The following MALAT1 variants were observed in gnomAD, a reference collection of about 807,000 sequenced individuals.
MALAT1 encodes metastasis associated lung adenocarcinoma transcript 1, also known as hepcarcin.
At chr11:65,504,636 T>TTCA (rs1211929334) in intron 3 of MALAT1, 1 of 519,002 alleles carries the variant, frequency 1.9e-6, no homozygotes, top group South Asian at 1.4e-5. Flanking sequence ...GGGAGGGGAC[T>TTCA]GAAGCCTTTA....
intron 1 of MALAT1, chr11:65,498,567 T>C (rs751544537): frequency 3.9e-6 from 2 of 518,760 alleles, no homozygotes; most frequent in Non-Finnish European, 7.7e-6. Flanking sequence ...TGCAAGCAGT[T>C]GGGGGAGAAA....
intron 1 of MALAT1, chr11:65,498,487 G>A (rs1285267420): frequency 3.9e-6 from 2 of 518,376 alleles, no homozygotes; most frequent in Non-Finnish European, 7.7e-6. Context: ...CAAGCAGACA[G>A]CCCGTGCTGC....
chr11:65,505,901 G>A (rs1218106431), intron 3 of MALAT1: 2 of 435,434 alleles, frequency 4.6e-6, no homozygotes, highest in East Asian at 5.7e-5. Context: ...TTGAGTGGCT[G>A]AGAGGGCTTT....
exon 3 of MALAT1, chr11:65,499,398 G>A (rs772591615): frequency 4.1e-6 from 2 of 486,968 alleles, no homozygotes; most frequent in Non-Finnish European, 8.2e-6. Context: ...CCAATAGAAG[G>A]GCAATGCTTT....
chr11:65,499,701 A>G (rs1213266717), exon 3 of MALAT1: 1 of 434,450 alleles, frequency 2.3e-6, no homozygotes, highest in Non-Finnish European at 4.5e-6. Context: ...GAAGAAAAGA[A>G]TAGAGAAGAT....
At chr11:65,500,707 A>G (rs1474981533) in exon 3 of MALAT1, 1 of 519,018 alleles carries the variant, frequency 1.9e-6, no homozygotes, top group Admixed American at 1.9e-5. Context: ...CGTTGTGCGT[A>G]GAGGATCCTA....
exon 3 of MALAT1, chr11:65,502,250 G>A (rs1379195958): frequency 7.7e-6 from 4 of 518,848 alleles, no homozygotes; most frequent in Non-Finnish European, 1.5e-5. Flanking sequence ...AAGTTGTTTG[G>A]ATATGGTAGT....
chr11:65,505,964 G>C (rs1284458281), intron 3 of MALAT1: 1 of 447,044 alleles, frequency 2.2e-6, no homozygotes, highest in Admixed American at 2.8e-5. Context: ...GAACATAACA[G>C]ACTTGGCCAA....
At chr11:65,502,321 A>G (rs1590703775) in exon 3 of MALAT1, 1 of 516,596 alleles carries the variant, frequency 1.9e-6, no homozygotes, top group Non-Finnish European at 3.9e-6. Flanking sequence ...ACTACTATAG[A>G]AACTGCAGAG....
At chr11:65,505,337 C>T (rs909842177) in intron 3 of MALAT1, 2 of 518,744 alleles carry the variant, frequency 3.9e-6, no homozygotes, top group Non-Finnish European at 7.7e-6. Flanking sequence ...TGCCTCAACT[C>T]CCTCTTTCTG....
exon 3 of MALAT1, chr11:65,503,643 G>C (rs758839316): frequency 3.9e-6 from 2 of 511,818 alleles, no homozygotes; most frequent in Non-Finnish European, 7.8e-6. Flanking sequence ...CTTTTAGAAA[G>C]CTGTCTCCTT....
chr11:65,502,990 C>T (rs1037189652), exon 3 of MALAT1: 11 of 497,132 alleles, frequency 2.2e-5, no homozygotes, highest in Admixed American at 1.9e-4. Context: ...AGAATAAAAG[C>T]GAAAAGAAAT....
exon 3 of MALAT1, chr11:65,501,843 G>A: frequency 3.9e-6 from 2 of 517,580 alleles, no homozygotes; most frequent in Non-Finnish European, 3.9e-6. Flanking sequence ...TTATTAAAGG[G>A]GAGGGGCAAA....
intron 1 of MALAT1, chr11:65,497,957 A>G (rs1392678876): frequency 7.7e-6 from 4 of 518,854 alleles, no homozygotes; most frequent in Admixed American, 1.9e-5. Context: ...CTGTCCTTAT[A>G]GGCTGGCCAT....
exon 3 of MALAT1, chr11:65,500,725 A>T (rs959409870): frequency 5.8e-6 from 3 of 518,934 alleles, no homozygotes; most frequent in African/African-American, 5.8e-5. Flanking sequence ...CTAGACCAGC[A>T]TGCCAGTGTG....
exon 3 of MALAT1, chr11:65,502,613 G>A: frequency 2.1e-6 from 1 of 476,784 alleles, no homozygotes; most frequent in Non-Finnish European, 4.0e-6. Context: ...GATGAGGGAG[G>A]GGAAACTTTT....
intron 3 of MALAT1, chr11:65,506,012 C>T: frequency 4.3e-6 from 2 of 463,640 alleles, no homozygotes; most frequent in East Asian, 5.9e-5. Context: ...CAATGCTCTT[C>T]AGTAGGGTCA....
At chr11:65,499,073 T>G (rs1451003010) in exon 3 of MALAT1, 4 of 517,816 alleles carry the variant, frequency 7.7e-6, no homozygotes, top group South Asian at 1.4e-5. Context: ...CGCAGGGGCT[T>G]CTGCTGAGGG....
intron 1 of MALAT1, chr11:65,498,108 A>G: frequency 3.9e-6 from 2 of 518,970 alleles, no homozygotes; most frequent in Non-Finnish European, 3.8e-6. Context: ...CAGAATCTGC[A>G]AAACAAAAAC....
Sources: allele counts gnomAD v4.1 joint callset, GRCh38; gene constraint gnomAD v4.1.1; transcripts MANE v1.5; gene names NCBI Gene and HGNC (gene_info 2026-07-23, HGNC 2026-07-21).